Variants in ADAMTS8 observed in about 807,000 individuals in gnomAD.
ADAMTS8 encodes the protein A disintegrin and metalloproteinase with thrombospondin motifs 8.
A neutral mutation model predicts 64.4 loss-of-function variants in ADAMTS8; 50 were observed. The observed-to-expected ratio is 0.78, with a 90% CI of 0.62 to 0.98. The LOEUF is 0.98. ADAMTS8 is among the 50% of genes least tolerant of loss of function. ADAMTS8 has a pLI of 0.00. For synonymous variants in ADAMTS8, 556 were observed against 533.6 expected (o/e 1.04, Z -0.58); for missense variants, 1,192 against 1,208.2 (o/e 0.99, Z 0.20).
At position 130,408,779 on chromosome 11, in the gene ADAMTS8, A is replaced by G; in HGVS notation, c.1912T>C (p.Phe638Leu). 1 of 1,614,088 alleles carries G rather than the reference A, an allele frequency of 6.2e-7. No individual in the cohort carries two copies. The highest frequency in any genetic ancestry group is 8.5e-7 in the Non-Finnish European group (1 of 1,180,012). ...RARGRSEFKV[F>L]EAKVIDGTLC... is the part of the protein sequence containing the mutation. Reference sequence around the variant, plus strand: ...AGGGTGATTCTCACCTTGGCCTCGAACACTTTGAACTCGCTCCTCCCCCGG... The same window carrying G: ...AGGGTGATTCTCACCTTGGCCTCGAGCACTTTGAACTCGCTCCTCCCCCGG... The change falls in exon 7 of 9, where the codon TTC (phenylalanine) becomes CTC (leucine). Residue 638 changes from phenylalanine to leucine, a missense_variant. Transcript: ENST00000257359.
rs1409775675 is a variant in ADAMTS8 at position 130,428,033 on chromosome 11, C to G, written c.254G>C (p.Gly85Ala). Residue 85 changes from glycine to alanine, a missense_variant, in exon 1 of 9, where the codon GGG (glycine) becomes GCG (alanine). Coordinates refer to ENST00000257359, the MANE Select transcript of ADAMTS8 (RefSeq NM_007037.6). Reference protein sequence around the residue: ...LAPEFKIERLGGSGRATGGER... With the variant: ...LAPEFKIERLAGSGRATGGER... ...GCCCCCGGTCGCCCGGCCGGAGCCC[C>G]CGAGGCGCTCGATCTTGAACTCGGG... The G allele has an allele frequency of 2.0e-6, 3 of 1,527,750 alleles. No individual in the cohort carries two copies. In the Admixed American group the frequency reaches 5.9e-5, roughly 30 times the overall value. 94.6% of individuals were successfully genotyped at this position (1,527,750 alleles called of 1,614,324 possible). A position where few individuals can be genotyped will look rare whatever the true frequency, so the allele number is the denominator to read the frequency against.
rs1301788904 is a variant in ADAMTS8, at chr11:130,428,342, C to CAGGT, written c.-60_-57dup. 7.9e-7 allele frequency: 1 copy of CAGGT among 1,260,248 alleles called. No homozygotes were observed. The highest frequency in any genetic ancestry group is 1.6e-5 in the African/African-American group (1 of 63,148). 78.1% of individuals were successfully genotyped at this position (1,260,248 alleles called of 1,614,324 possible). A position where few individuals can be genotyped will look rare whatever the true frequency, so the allele number is the denominator to read the frequency against. ...AGGGAAGAAGCCCGCCAGGCGCGGGCAGGTGCTGGCGGCCCGAGCGCGGCC... is the reference window on the plus strand; with the variant it reads ...AGGGAAGAAGCCCGCCAGGCGCGGGCAGGTAGGTGCTGGCGGCCCGAGCGCGGCC... On this transcript the variant is annotated 5_prime_UTR_variant, in exon 1 of 9. Coordinates refer to ENST00000257359, the MANE Select transcript of ADAMTS8 (RefSeq NM_007037.6).
In ADAMTS8 at chr11:130,428,241, GCAGC is replaced by G; in HGVS notation, c.42_45del (p.Leu15CysfsTer60). ...GCCAGCGGCAGCAGCAGCAGCAGCAGCAGCAGGAGCGGAGGCCACCGGGGGGCGG... is the reference window on the plus strand; with the variant it reads ...GCCAGCGGCAGCAGCAGCAGCAGCAGAGGAGCGGAGGCCACCGGGGGGCGG... On this transcript the variant is annotated frameshift_variant, in exon 1 of 9. Transcript: ENST00000257359. LOFTEE classifies it high-confidence loss of function. The G allele has an allele frequency of 8.2e-7, 1 of 1,226,706 alleles. No individual in the cohort carries two copies. Among genetic ancestry groups the G allele is most frequent in the Non-Finnish European group, 1.0e-6 (1 of 989,558 alleles). The allele number at this position is 1,226,706 out of a possible 1,614,324, so 76.0% of individuals were successfully genotyped here. A position where few individuals can be genotyped will look rare whatever the true frequency, so the allele number is the denominator to read the frequency against.
At chr11:130,407,790 A>G (rs546696144) in intron 8 of ADAMTS8, among the ~76,000 whole-genome samples, 1 of 152,336 alleles carries the variant, frequency 6.6e-6, no homozygotes, top group East Asian at 1.9e-4. Flanking sequence ...TGACCTTAGA[A>G]AAGTCATTTA....
intron 1 of ADAMTS8, among the ~76,000 whole-genome samples, chr11:130,420,850 A>G (rs1000090539): frequency 1.3e-5 from 2 of 152,082 alleles, no homozygotes; most frequent in Admixed American, 6.5e-5. Flanking sequence ...AAGCAATCAC[A>G]TCATTATGCA....
At chr11:130,412,725 A>C (rs907459884) in intron 5 of ADAMTS8, among the ~76,000 whole-genome samples, 1 of 152,248 alleles carries the variant, frequency 6.6e-6, no homozygotes, top group African/African-American at 2.4e-5. Flanking sequence ...AAAACCATTA[A>C]CATGATTTTC....
Position 130,426,724 on chromosome 11 carries a change from C to G in ADAMTS8, c.720+843G>C, listed in dbSNP as rs186968439. 5.3e-5 allele frequency among the ~76,000 whole-genome samples: 8 copies of G among 152,348 alleles called. No individual in the cohort carries two copies. In the East Asian group the frequency reaches 1.4e-3, roughly 26 times the overall value. On this transcript the variant is annotated intron_variant, in intron 1 of 8. Coordinates refer to ENST00000257359, the MANE Select transcript of ADAMTS8 (RefSeq NM_007037.6). ...TGGTTAGGTAGCCATCCCCTGGACT[C>G]TGTTTTTCTCCCCTGTTTAGGTAAG... is the stretch of plus-strand genomic sequence containing the variant.
intron 1 of ADAMTS8, among the ~76,000 whole-genome samples, chr11:130,421,045 G>A (rs752723352): frequency 3.3e-5 from 5 of 152,082 alleles, no homozygotes; most frequent in Admixed American, 2.0e-4. Context: ...ATTTCTTCCC[G>A]CTGAGTCCCA....
At chr11:130,415,411 C>T (rs1464238807) in intron 4 of ADAMTS8, among the ~76,000 whole-genome samples, 1 of 152,036 alleles carries the variant, frequency 6.6e-6, no homozygotes, top group Non-Finnish European at 1.5e-5. Flanking sequence ...TCAAGCGATT[C>T]TTCTGCCTCA....
Position 130,408,922 on chromosome 11 carries a change from T to A in ADAMTS8, c.1769A>T (p.Gln590Leu). The change falls in exon 7 of 9, where the codon CAG (glutamine) becomes CTG (leucine). Residue 590 changes from glutamine to leucine, a missense_variant. Gln to Leu is a moderately radical substitution (Grantham distance 113). Coordinates refer to ENST00000257359, the MANE Select transcript of ADAMTS8 (RefSeq NM_007037.6). ...GTAGGCATTATACTTCTCACACTGC[T>A]GCTCCCTGAAGCTTTTCCCTAGAAA... ...CPPDGKSFRE[Q>L]QCEKYNAYNY... The A allele has an allele frequency of 6.4e-7, 1 of 1,558,412 alleles. No individual in the cohort carries two copies. The highest frequency in any genetic ancestry group is 8.7e-7 in the Non-Finnish European group (1 of 1,150,942).
chr11:130,419,543 G>A (rs1175025998), intron 1 of ADAMTS8, among the ~76,000 whole-genome samples: 3 of 152,190 alleles, frequency 2.0e-5, no homozygotes, highest in African/African-American at 2.4e-5. Context: ...GCCTTGCTCC[G>A]AACTTGTGTG....
intron 1 of ADAMTS8, among the ~76,000 whole-genome samples, chr11:130,423,715 C>T (rs1378277966): frequency 6.6e-6 from 1 of 152,238 alleles, no homozygotes; most frequent in East Asian, 1.9e-4. Context: ...AAACTCTGCT[C>T]ACTGCAGAAG....
intron 1 of ADAMTS8, among the ~76,000 whole-genome samples, chr11:130,426,901 C>T (rs1190215029): frequency 6.6e-6 from 1 of 152,250 alleles, no homozygotes; most frequent in Non-Finnish European, 1.5e-5. Flanking sequence ...CAGAAGTTCT[C>T]TGCCCCTCCC....
chr11:130,419,029 G>T, intron 2 of ADAMTS8, 24 bp downstream of exon 2: 1 of 1,613,534 alleles, frequency 6.2e-7, no homozygotes, highest in African/African-American at 1.3e-5. Context: ...TTCCTCCCCA[G>T]GGCTTCCGGA....
At chr11:130,406,903 G>A (rs1198636377) in intron 8 of ADAMTS8, among the ~76,000 whole-genome samples, 1 of 152,064 alleles carries the variant, frequency 6.6e-6, no homozygotes, top group Non-Finnish European at 1.5e-5. Flanking sequence ...GTGGTCAGGC[G>A]GGCTTTTTGC....
At chr11:130,425,590 GTTTTTCT>G (rs1457554696) in intron 1 of ADAMTS8, among the ~76,000 whole-genome samples, 11 of 148,172 alleles carry the variant, frequency 7.4e-5, no homozygotes, top group South Asian at 2.1e-4. Context: ...CTTTTTTTGT[GTTTTTCT>G]TTTTTCTTTT....
At chr11:130,418,567 C>T (rs926961439) in intron 2 of ADAMTS8, among the ~76,000 whole-genome samples, 11 of 152,226 alleles carry the variant, frequency 7.2e-5, no homozygotes, top group African/African-American at 2.7e-4. Context: ...CCGATGGGGC[C>T]CTTATGAGAC....
intron 6 of ADAMTS8, among the ~76,000 whole-genome samples, chr11:130,409,694 C>A (rs1011237921): frequency 7.2e-5 from 11 of 152,258 alleles, no homozygotes; most frequent in African/African-American, 2.7e-4. Flanking sequence ...TCATGGGGAC[C>A]TGTGCCTGCC....
chr11:130,416,392 G>T lies in ADAMTS8; in HGVS notation c.1097-62C>A. 3.4e-6 allele frequency: 5 copies of T among 1,478,932 alleles called. No homozygotes were observed. Among genetic ancestry groups the T allele is most frequent in the Non-Finnish European group, 3.6e-6 (4 of 1,109,510 alleles). 91.6% of individuals were successfully genotyped at this position (1,478,932 alleles called of 1,614,324 possible). On this transcript the variant is annotated intron_variant, in intron 3 of 8. Transcript: ENST00000257359. This position sits in a 1 kb window ranked among gnomAD's most constrained non-coding sequence, Gnocchi z 4.8. ...GCCTGAGGGCGCCCCACCTGGCCCA[G>T]CTAGGGACAGAGATGGAGCTCCTCA...
Sources: gnomAD v4.1 joint callset for allele counts (sites outside exome capture counted in the v4.1 genomes callset) on GRCh38, gnomAD v4.1.1 for gene constraint, Gnocchi (gnomAD v3.1) non-coding constraint, MANE v1.5 for transcripts, NCBI Gene and HGNC (gene_info 2026-07-23, HGNC 2026-07-21) for gene names.